The following GNL2 variants were observed in gnomAD, a reference collection of about 807,000 sequenced individuals.
GNL2 encodes nucleolar GTP-binding protein 2.
GNL2 carries 51 observed loss-of-function variants against 92.3 expected under a neutral mutation model. That is an observed-to-expected ratio of 0.55 (90% CI 0.44 to 0.70). The LOEUF (loss-of-function observed/expected upper bound fraction) is 0.70. GNL2 is among the 30% of genes least tolerant of loss of function. The pLI is 0.00. For synonymous variants in GNL2, 283 were observed against 300.6 expected (o/e 0.94, Z 0.61); for missense variants, 844 against 895.6 (o/e 0.94, Z 0.74).
chr1:37,586,967 A>C (rs1293218355), intron 5 of GNL2, among the ~76,000 whole-genome samples: 7 of 152,268 alleles, frequency 4.6e-5, no homozygotes, highest in African/African-American at 1.7e-4. Context: ...ATTTGCATGA[A>C]CTTCAAAACT....
chr1:37,573,610 G>A (rs565461782), intron 12 of GNL2, among the ~76,000 whole-genome samples: 393 of 152,328 alleles, frequency 2.6e-3, no homozygotes, highest in Non-Finnish European at 4.1e-3. Context: ...GCACATAGTC[G>A]ATGCTAATAA....
At chr1:37,569,973 T>C (rs1557636948) in intron 12 of GNL2, 1 of 152,376 alleles carries the variant, frequency 6.6e-6, no homozygotes, top group East Asian at 1.9e-4. Context: ...ATGTAAGACA[T>C]GCCTTTGTTC....
intron 8 of GNL2, among the ~76,000 whole-genome samples, chr1:37,581,967 C>CT (rs1021476996): frequency 1.4e-4 from 21 of 146,392 alleles, no homozygotes; most frequent in Admixed American, 2.0e-4. Context: ...CCGGCCACAT[C>CT]TTTTTTTTTT....
chr1:37,585,651 C>A (rs369336039), intron 5 of GNL2, among the ~76,000 whole-genome samples: 6 of 152,286 alleles, frequency 3.9e-5, no homozygotes, highest in African/African-American at 1.4e-4. Context: ...GAATACAAAG[C>A]CAACGAAAGT....
rs768277142 is a variant in GNL2, at chr1:37,566,984, T to C, written c.2067A>G (p.Gln689=). 88 of 1,498,374 alleles carry C rather than the reference T, an allele frequency of 5.9e-5. No homozygotes were observed. The highest frequency in any genetic ancestry group is 7.2e-5 in the Non-Finnish European group (78 of 1,086,328). The allele number at this position is 1,498,374 out of a possible 1,614,324, so 92.8% of individuals were successfully genotyped here. A position where few individuals can be genotyped will look rare whatever the true frequency, so the allele number is the denominator to read the frequency against. ...SKERRRAVRQ[Q]RPKKVGVRYY... ...AGCGCACACCAACTTTTTTCGGCCG[T>C]TGCTGTCGTACTGCTCGCCTCCGCT... Residue 689 remains glutamine, a synonymous_variant, in exon 16 of 16, where the codon CAA becomes CAG. Coordinates refer to ENST00000373062, the MANE Select transcript of GNL2 (RefSeq NM_013285.3).
intron 9 of GNL2, 137 bp downstream of exon 9, chr1:37,576,291 A>T (rs1643675823): frequency 1.3e-6 from 1 of 764,958 alleles, no homozygotes; most frequent in Admixed American, 2.6e-5. Context: ...GATACGTTCC[A>T]AACTATTATA....
rs554292697 is a variant in GNL2, at chr1:37,574,692, G to A, written c.1275C>T (p.Leu425=). 2.0e-5 allele frequency: 32 copies of A among 1,613,880 alleles called. No homozygotes were observed. In the African/African-American group the frequency reaches 2.7e-4, roughly 13 times the overall value. The change falls in exon 11 of 16, where the codon CTC becomes CTT. Residue 425 remains leucine, a synonymous_variant. Transcript: ENST00000373062. ...WENAEDFLEK[L]AFRTGKLLKG... Reference sequence around the variant, plus strand: ...TTAGTAACTTCCCAGTCCGGAAAGCGAGCTTCTCAAGAAAGTCCTCAGCAT... The same window carrying A: ...TTAGTAACTTCCCAGTCCGGAAAGCAAGCTTCTCAAGAAAGTCCTCAGCAT...
intron 8 of GNL2, chr1:37,581,319 G>T (rs2360010): frequency 0.79 from 361,777 of 455,268 alleles, 147,521 homozygotes; most frequent in East Asian, 0.96. Context: ...TAACTAAATA[G>T]ACAAATTCAA....
At chr1:37,573,185 G>A (rs1643621244) in intron 12 of GNL2, among the ~76,000 whole-genome samples, 1 of 152,228 alleles carries the variant, frequency 6.6e-6, no homozygotes, top group South Asian at 2.1e-4. Flanking sequence ...TGGGCAGGGA[G>A]AAGGGAGAAT....
chr1:37,593,521 T>G, intron 2 of GNL2: 1 of 457,428 alleles, frequency 2.2e-6, no homozygotes, highest in Non-Finnish European at 3.9e-6. Flanking sequence ...GTCAGGGCTG[T>G]GAGAAACAAG....
At chr1:37,577,016 G>A (rs1643688515) in intron 8 of GNL2, among the ~76,000 whole-genome samples, 1 of 151,978 alleles carries the variant, frequency 6.6e-6, no homozygotes, top group Non-Finnish European at 1.5e-5. Flanking sequence ...GGAGGCTGAG[G>A]CAGGAGAATC....
At chr1:37,583,781 G>T in intron 6 of GNL2, 86 bp downstream of exon 6, 2 of 818,700 alleles carry the variant, frequency 2.4e-6, no homozygotes, top group Non-Finnish European at 4.3e-6. Flanking sequence ...GCGCAACAGA[G>T]CTTCAATATA....
intron 8 of GNL2, among the ~76,000 whole-genome samples, chr1:37,579,518 G>C (rs1260721184): frequency 6.6e-6 from 1 of 150,592 alleles, no homozygotes; most frequent in African/African-American, 2.4e-5. Flanking sequence ...TTGCACTCTA[G>C]CCTGGGCAAC....
intron 15 of GNL2, among the ~76,000 whole-genome samples, chr1:37,567,260 T>A (rs1025569564): frequency 6.6e-6 from 1 of 152,300 alleles, no homozygotes; most frequent in South Asian, 2.1e-4. Context: ...CTGTTCTGCA[T>A]CACTCCTGAC....
Position 37,590,727 on chromosome 1 carries a change from G to A in GNL2, c.363C>T (p.Leu121=). The A allele has an allele frequency of 1.2e-6, 2 of 1,613,556 alleles. No homozygotes were observed. The highest frequency in any genetic ancestry group is 1.7e-5 in the Admixed American group (1 of 60,020). The change falls in exon 4 of 16, where the codon CTC becomes CTT. Residue 121 remains leucine, a synonymous_variant. Coordinates refer to ENST00000373062, the MANE Select transcript of GNL2 (RefSeq NM_013285.3). ...TTACATGAGGCCGGATTCGATCATG[G>A]AGAAGAGACATTGGTAACTTGCTTT... ...MKQSKLPMSL[L]HDRIRPHNLK...
chr1:37,583,713 C>T (rs1643807898), intron 6 of GNL2, among the ~76,000 whole-genome samples, 154 bp downstream of exon 6: 1 of 152,090 alleles, frequency 6.6e-6, no homozygotes, highest in African/African-American at 2.4e-5. Flanking sequence ...TGGTAGTACG[C>T]CTTCCGAGTT....
At chr1:37,586,034 A>G (rs1012978045) in intron 5 of GNL2, among the ~76,000 whole-genome samples, 2 of 152,214 alleles carry the variant, frequency 1.3e-5, no homozygotes, top group African/African-American at 2.4e-5. Context: ...ATGCGGTCAC[A>G]TTGATGCTTC....
chr1:37,595,530 C>CT (rs1311575091), intron 1 of GNL2, among the ~76,000 whole-genome samples: 1 of 152,208 alleles, frequency 6.6e-6, no homozygotes, highest in African/African-American at 2.4e-5. Flanking sequence ...GACCAGTTGA[C>CT]TACACTTTGG....
At chr1:37,567,057 A>G in intron 15 of GNL2, 50 bp from the exon 16 acceptor site, 1 of 1,578,230 alleles carries the variant, frequency 6.3e-7, no homozygotes, top group Non-Finnish European at 8.6e-7. Context: ...CAAAACCCTG[A>G]AAGTCATTCA....
Sources: gnomAD v4.1 joint callset for allele counts (sites outside exome capture counted in the v4.1 genomes callset) on GRCh38, gnomAD v4.1.1 for gene constraint, MANE v1.5 for transcripts, NCBI Gene and HGNC (gene_info 2026-07-23, HGNC 2026-07-21) for gene names.